BLM: variants seen among roughly 807,000 people sequenced by gnomAD.
BLM encodes the protein recQ-like DNA helicase BLM.
In BLM, 95 loss-of-function variants were observed where a neutral mutation model predicts 135.3. The ratio of observed to expected loss-of-function variants is 0.70; its 90% CI spans 0.59 to 0.83. BLM has a LOEUF of 0.83. Ranked by LOEUF, BLM falls within the 40% of genes least tolerant of loss-of-function variation. The pLI is 0.00. For missense variants in BLM, 1,518 were observed against 1,663.9 expected, an observed-to-expected ratio of 0.91 and a Z score of 1.53; for synonymous variants, 520 against 589.2, an observed-to-expected ratio of 0.88 and a Z score of 1.70.
intron 12 of BLM, 102 bp downstream of exon 12, chr15:90,769,688 C>T (rs1896250895): frequency 7.4e-7 from 1 of 1,348,338 alleles, no homozygotes; most frequent in Admixed American, 2.0e-5. Flanking sequence ...ACCACCCCAC[C>T]CCCACCCCAC....
intron 12 of BLM, among the ~76,000 whole-genome samples, chr15:90,772,161 G>T (rs979830947): frequency 2.0e-5 from 3 of 152,196 alleles, no homozygotes; most frequent in Admixed American, 1.3e-4. Flanking sequence ...TTTTCTGCCA[G>T]TAGGCCCTGG....
intron 1 of BLM, among the ~76,000 whole-genome samples, chr15:90,737,848 A>G (rs1462551221): frequency 6.6e-6 from 1 of 152,214 alleles, no homozygotes; most frequent in Non-Finnish European, 1.5e-5. Flanking sequence ...CAGGGACTAG[A>G]AAAGCAGTAG....
At chr15:90,770,380 C>G (rs894731732) in intron 12 of BLM, among the ~76,000 whole-genome samples, 1 of 152,036 alleles carries the variant, frequency 6.6e-6, no homozygotes, top group Non-Finnish European at 1.5e-5. Flanking sequence ...GTGTCACTGT[C>G]TTAGCCAGGA....
Position 90,735,236 on chromosome 15 carries a change from AATATATATATATATATATATAT to A in BLM, c.-4-12138_-4-12117del, listed in dbSNP as rs60589046. 5.2e-4 allele frequency among the ~76,000 whole-genome samples: 56 copies of A among 108,206 alleles called. 1 individual carries two copies. The East Asian group carries it at 0.012, about 23-fold the overall frequency. 71.0% of individuals were successfully genotyped at this position (108,206 alleles called of 152,430 possible). ...ACAACATCATAAAAGTGCCTAAGTT[AATATATATATATATATATATAT>A]ATATATATATATATTTAAGTTAATA... On this transcript the variant is annotated intron_variant, in intron 1 of 21. Transcript: ENST00000355112.
intron 5 of BLM, among the ~76,000 whole-genome samples, chr15:90,758,766 T>C (rs1018724135): frequency 1.3e-5 from 2 of 152,228 alleles, no homozygotes; most frequent in Non-Finnish European, 2.9e-5. Context: ...CAGAATCATA[T>C]TAAGCTTGGA....
chr15:90,763,204 TAAATG>T, intron 8 of BLM, 47 bp downstream of exon 8: 1 of 1,584,898 alleles, frequency 6.3e-7, no homozygotes, highest in East Asian at 2.2e-5. Flanking sequence ...TGGCAGATGT[TAAATG>T]AAAGCTCTTT....
intron 21 of BLM, among the ~76,000 whole-genome samples, chr15:90,814,711 G>T (rs1247373448): frequency 6.6e-6 from 1 of 152,202 alleles, no homozygotes; most frequent in African/African-American, 2.4e-5. Context: ...CAGGGAGCTG[G>T]GGCCTTACAG....
chr15:90,764,273 G>A (rs1383552907), intron 8 of BLM, among the ~76,000 whole-genome samples: 1 of 148,040 alleles, frequency 6.8e-6, no homozygotes, highest in Non-Finnish European at 1.5e-5. Flanking sequence ...ATATTGTATT[G>A]TATATAATAT....
intron 1 of BLM, among the ~76,000 whole-genome samples, chr15:90,722,506 G>C (rs754010159): frequency 2.0e-5 from 3 of 152,052 alleles, no homozygotes; most frequent in Non-Finnish European, 2.9e-5. Context: ...AGAATCACTT[G>C]AACCTGGGCA....
At chr15:90,779,747 C>T (rs778649987) in intron 12 of BLM, among the ~76,000 whole-genome samples, 1 of 152,176 alleles carries the variant, frequency 6.6e-6, no homozygotes, top group Non-Finnish European at 1.5e-5. Context: ...TTCCCACCAC[C>T]TTATTCTCAG....
At chr15:90,721,717 G>A (rs529969471) in intron 1 of BLM, among the ~76,000 whole-genome samples, 2 of 151,634 alleles carry the variant, frequency 1.3e-5, no homozygotes, top group African/African-American at 4.8e-5. Flanking sequence ...CGGATCATGA[G>A]GTCAGGAGTT....
chr15:90,760,116 G>T (rs1367370049), intron 5 of BLM, 31 bp from the exon 6 acceptor site: 5 of 1,571,060 alleles, frequency 3.2e-6, no homozygotes, highest in Non-Finnish European at 3.5e-6. Context: ...TTCCCTCAAA[G>T]AAAAATATTA....
intron 19 of BLM, among the ~76,000 whole-genome samples, chr15:90,805,538 A>C (rs111385769): frequency 0.16 from 24,995 of 151,504 alleles, 2,138 homozygotes; most frequent in Non-Finnish European, 0.19. Flanking sequence ...GCCTGTAATC[A>C]CAGCACTTTG....
intron 1 of BLM, among the ~76,000 whole-genome samples, chr15:90,734,254 G>A (rs1162086170): frequency 6.6e-6 from 1 of 151,176 alleles, no homozygotes; most frequent in African/African-American, 2.4e-5. Context: ...CCAATATATA[G>A]TAAAAACTCT....
intron 13 of BLM, 105 bp from the exon 14 acceptor site, chr15:90,784,816 C>T (rs189924345): frequency 5.5e-5 from 67 of 1,210,170 alleles, no homozygotes; most frequent in East Asian, 3.7e-4. Flanking sequence ...AAGAACACTA[C>T]GGGAGATCTA....
At chr15:90,762,574 A>C (rs1000458869) in intron 7 of BLM, among the ~76,000 whole-genome samples, 7 of 152,154 alleles carry the variant, frequency 4.6e-5, no homozygotes, top group South Asian at 2.1e-4. Context: ...AGCTCCAAAA[A>C]AGAATGTCTA....
chr15:90,746,762 G>A (rs908126428), intron 1 of BLM, among the ~76,000 whole-genome samples: 14 of 152,154 alleles, frequency 9.2e-5, no homozygotes, highest in African/African-American at 3.4e-4. Flanking sequence ...TAATTTTAAG[G>A]TGGTTTAAGC....
At chr15:90,728,300 T>C (rs772937247) in intron 1 of BLM, among the ~76,000 whole-genome samples, 2 of 152,240 alleles carry the variant, frequency 1.3e-5, no homozygotes, top group Non-Finnish European at 2.9e-5. Context: ...CCTCCCAAAG[T>C]GCTGGGATTA....
intron 1 of BLM, among the ~76,000 whole-genome samples, chr15:90,746,889 C>T (rs951875940): frequency 3.3e-5 from 5 of 152,180 alleles, no homozygotes; most frequent in African/African-American, 1.2e-4. Context: ...AGCATAGTAT[C>T]TTGCTGGTAA....
Sources: allele counts gnomAD v4.1 joint callset (sites outside exome capture counted in the v4.1 genomes callset), GRCh38; gene constraint gnomAD v4.1.1; transcripts MANE v1.5; gene names NCBI Gene and HGNC (gene_info 2026-07-23, HGNC 2026-07-21).